The following KIF11 variants were observed in gnomAD, a reference collection of about 807,000 sequenced individuals.
KIF11 encodes the protein kinesin-like protein KIF11.
Under a neutral mutation model 121.0 loss-of-function variants are expected in KIF11, and 9 were observed. The observed-to-expected ratio is 0.07, with a 90% CI of 0.04 to 0.13. The LOEUF (loss-of-function observed/expected upper bound fraction) is 0.13, where lower values mean the gene tolerates loss of function less well. Ranked by LOEUF, KIF11 falls within the 10% of genes least tolerant of loss-of-function variation. The pLI, the probability that KIF11 is intolerant of heterozygous loss-of-function variation, is 1.00. For missense variants in KIF11, 846 were observed against 1,217.5 expected, an observed-to-expected ratio of 0.69 and a Z score of 4.54; for synonymous variants, 408 against 421.0, an observed-to-expected ratio of 0.97 and a Z score of 0.38.
chr10:92,599,414 A>G (rs1270256282), intron 1 of KIF11, among the ~76,000 whole-genome samples: 5 of 150,804 alleles, frequency 3.3e-5, no homozygotes, highest in African/African-American at 1.2e-4. Flanking sequence ...AGTCCCAGCT[A>G]CTTAGGAGGC....
chr10:92,651,502 ATTTTGTTTTTTTTTT>A, intron 21 of KIF11, among the ~76,000 whole-genome samples: 1 of 21,554 alleles, frequency 4.6e-5, no homozygotes, highest in Non-Finnish European at 8.1e-5. Flanking sequence ...TGCCTGGCTA[ATTTTGTTTTTTTTTT>A]TTTTTTTTTT....
intron 8 of KIF11, 148 bp from the exon 9 acceptor site, chr10:92,616,589 T>A: frequency 2.1e-6 from 1 of 468,252 alleles, no homozygotes; most frequent in Non-Finnish European, 3.7e-6. Context: ...TTTTTAAAGG[T>A]TGGGCATAGT....
At chr10:92,630,048 T>C (rs765337212) in intron 11 of KIF11, 128 bp from the exon 12 acceptor site, 1 of 560,952 alleles carries the variant, frequency 1.8e-6, no homozygotes, top group Non-Finnish European at 3.1e-6. Flanking sequence ...GATGACATAT[T>C]TGTGTTAACC....
In KIF11 at chr10:92,637,228, AT is replaced by A; in HGVS notation, c.1921del (p.Ser641ProfsTer8). The stretch of plus-strand genomic sequence containing the variant: ...TTCTAAGTTCACTGGAAATGATTTT[AT>A]CCCCAACTGTGGTGTCTATACTGAA... ...DLLSSLEMIL[S>X]PTVVSILKIN... On this transcript the variant is annotated frameshift_variant, in exon 15 of 22. Coordinates refer to ENST00000260731, the MANE Select transcript of KIF11 (RefSeq NM_004523.4). LOFTEE classifies it high-confidence loss of function. 6.3e-7 allele frequency: 1 copy of A among 1,586,654 alleles called. No homozygotes were observed. The highest frequency in any genetic ancestry group is 8.5e-7 in the Non-Finnish European group (1 of 1,173,534).
At chr10:92,633,388 A>G (rs1844759766) in intron 13 of KIF11, among the ~76,000 whole-genome samples, 1 of 152,056 alleles carries the variant, frequency 6.6e-6, no homozygotes, top group Non-Finnish European at 1.5e-5. Context: ...TGTACTATGA[A>G]TTATAGTTAT....
At chr10:92,596,194 G>A (rs147933286) in intron 1 of KIF11, among the ~76,000 whole-genome samples, 2 of 152,004 alleles carry the variant, frequency 1.3e-5, no homozygotes, top group African/African-American at 2.4e-5. Flanking sequence ...TAGTAGAGAC[G>A]GGGTTTCACC....
chr10:92,637,181 C>T lies in KIF11; in HGVS notation c.1876-3C>T. The T allele has an allele frequency of 1.9e-6, 3 of 1,573,772 alleles. No homozygotes were observed. In the South Asian group the frequency reaches 3.5e-5, roughly 19 times the overall value. ...AGACCTATTTGTTTATTTCTGAAAC[C>T]AGAATGTACTCAAGACTGATCTTCT... is the stretch of plus-strand genomic sequence containing the variant. On this transcript the variant is annotated splice_polypyrimidine_tract_variant and splice_region_variant and intron_variant, in intron 14 of 21. Transcript: ENST00000260731.
At chr10:92,604,507 G>A (rs1326805397) in intron 1 of KIF11, among the ~76,000 whole-genome samples, 1 of 152,088 alleles carries the variant, frequency 6.6e-6, no homozygotes, top group Non-Finnish European at 1.5e-5. Context: ...ATTCATGTTG[G>A]TTATATGCAT....
At chr10:92,615,134 T>C (rs11187098) in intron 8 of KIF11, among the ~76,000 whole-genome samples, 47,105 of 151,922 alleles carry the variant, frequency 0.31, 8,236 homozygotes, top group East Asian at 0.67. Flanking sequence ...CCAGGCACGG[T>C]GGCTTACGCC....
At chr10:92,603,295 C>T (rs1285640380) in intron 1 of KIF11, among the ~76,000 whole-genome samples, 9 of 124,020 alleles carry the variant, frequency 7.3e-5, no homozygotes, top group East Asian at 2.8e-4. Context: ...GACAGAGTCT[C>T]GCTCTGTTGC....
chr10:92,596,963 A>G, intron 1 of KIF11: 1 of 368,136 alleles, frequency 2.7e-6, no homozygotes, highest in South Asian at 2.6e-5. Flanking sequence ...CCAGCACCAT[A>G]CAGAAGTCCA....
rs1350130598 is a variant in KIF11 at position 92,616,729 on chromosome 10, C to T, written c.1033-8C>T. Reference sequence around the variant, plus strand: ...TCTTCAGTAATTGACCTTTCCTTTCCATGACAGGAAACTCTGAGTACATTG... The same window carrying T: ...TCTTCAGTAATTGACCTTTCCTTTCTATGACAGGAAACTCTGAGTACATTG... On this transcript the variant is annotated splice_polypyrimidine_tract_variant and splice_region_variant and intron_variant, in intron 8 of 21. Coordinates refer to ENST00000260731, the MANE Select transcript of KIF11 (RefSeq NM_004523.4). The T allele has an allele frequency of 2.0e-6, 3 of 1,510,560 alleles. No homozygotes were observed. Among genetic ancestry groups the T allele is most frequent in the East Asian group, 2.3e-5 (1 of 43,926 alleles). The allele number at this position is 1,510,560 out of a possible 1,614,324, so 93.6% of individuals were successfully genotyped here. A position where few individuals can be genotyped will look rare whatever the true frequency, so the allele number is the denominator to read the frequency against.
intron 9 of KIF11, among the ~76,000 whole-genome samples, chr10:92,619,557 T>G (rs1365439072): frequency 6.6e-6 from 1 of 152,150 alleles, no homozygotes; most frequent in East Asian, 1.9e-4. Context: ...GTTTATTATT[T>G]TAGGGAACTG....
chr10:92,630,716 A>G (rs1844728057), intron 12 of KIF11, among the ~76,000 whole-genome samples: 1 of 151,584 alleles, frequency 6.6e-6, no homozygotes, highest in African/African-American at 2.4e-5. Context: ...AAAATACAAA[A>G]TTAGCCGGGC....
At chr10:92,629,211 T>TGAC (rs1399870924) in intron 11 of KIF11, among the ~76,000 whole-genome samples, 1 of 152,016 alleles carries the variant, frequency 6.6e-6, no homozygotes, top group Non-Finnish European at 1.5e-5. Flanking sequence ...CTTGAACTCC[T>TGAC]GACCTCATGA....
At chr10:92,637,783 T>C (rs1338348537) in intron 16 of KIF11, among the ~76,000 whole-genome samples, 1 of 152,168 alleles carries the variant, frequency 6.6e-6, no homozygotes. Flanking sequence ...GACAAAACAG[T>C]CCTTTTCTCA....
intron 17 of KIF11, among the ~76,000 whole-genome samples, chr10:92,644,091 G>A (rs1297744134): frequency 3.3e-5 from 5 of 152,160 alleles, no homozygotes; most frequent in Non-Finnish European, 7.3e-5. Context: ...AGGAAGGGAA[G>A]TATGATATAC....
intron 10 of KIF11, 147 bp downstream of exon 10, chr10:92,621,620 G>A: frequency 1.7e-6 from 1 of 574,220 alleles, no homozygotes; most frequent in South Asian, 2.0e-5. Flanking sequence ...GTTTTCTTTT[G>A]AGACAAGGTC....
At chr10:92,605,903 T>A (rs746448117) in intron 1 of KIF11, among the ~76,000 whole-genome samples, 73 of 152,140 alleles carry the variant, frequency 4.8e-4, no homozygotes, top group Non-Finnish European at 9.1e-4. Context: ...ACTAGCACCT[T>A]GGGAAGCTGA....
Sources: allele counts gnomAD v4.1 joint callset (sites outside exome capture counted in the v4.1 genomes callset), GRCh38; gene constraint gnomAD v4.1.1; transcripts MANE v1.5; gene names NCBI Gene and HGNC (gene_info 2026-07-23, HGNC 2026-07-21).